Variants in ANKRD28 observed in about 807,000 individuals in gnomAD.
ANKRD28 encodes serine/threonine-protein phosphatase 6 regulatory ankyrin repeat subunit A.
ANKRD28 carries 44 observed loss-of-function variants against 126.5 expected under a neutral mutation model. The observed-to-expected ratio is 0.35, with a 90% CI of 0.27 to 0.45. The LOEUF (loss-of-function observed/expected upper bound fraction) is 0.45. Ranked by LOEUF, ANKRD28 falls within the 20% of genes least tolerant of loss-of-function variation. The pLI is 1.00. For missense variants in ANKRD28, 1,110 were observed against 1,316.6 expected (o/e 0.84, Z 2.43); for synonymous variants, 442 against 468.5 (o/e 0.94, Z 0.73).
intron 1 of ANKRD28, among the ~76,000 whole-genome samples, chr3:15,803,520 G>A (rs747221119): frequency 6.6e-6 from 1 of 151,890 alleles, no homozygotes; most frequent in African/African-American, 2.4e-5. Flanking sequence ...AAGAGGCTGA[G>A]GCAGGAGAAT....
intron 1 of ANKRD28, among the ~76,000 whole-genome samples, chr3:15,832,245 GA>G (rs1484087616): frequency 6.6e-6 from 1 of 152,200 alleles, no homozygotes; most frequent in East Asian, 1.9e-4. Context: ...AATATCTGCA[GA>G]AATACATTCA....
At chr3:15,810,903 T>C (rs1160234704) in intron 1 of ANKRD28, among the ~76,000 whole-genome samples, 1 of 152,128 alleles carries the variant, frequency 6.6e-6, no homozygotes, top group Non-Finnish European at 1.5e-5. Context: ...AGCCAGTCAT[T>C]TAACCCATAA....
At position 15,843,018 on chromosome 3, in the gene ANKRD28, A is replaced by C. The variant is rs1418697610; in HGVS notation, c.27+16359T>G. 6.6e-6 allele frequency among the ~76,000 whole-genome samples: 1 copy of C among 152,242 alleles called. No individual in the cohort carries two copies. Among genetic ancestry groups the C allele is most frequent in the African/African-American group, 2.4e-5 (1 of 41,462 alleles). ...TTAGACTGTTCTCGCCTTGCTATAA[A>C]GAAATATCCAAGACTGGGTAATTTA... On this transcript the variant is annotated intron_variant, in intron 1 of 27. Coordinates refer to the ANKRD28 transcript ENST00000399451. This position sits in a 1 kb window ranked among gnomAD's most constrained non-coding sequence, Gnocchi z 5.2.
At chr3:15,749,101 G>T (rs6802776) in intron 4 of ANKRD28, among the ~76,000 whole-genome samples, 25,843 of 52,740 alleles carry the variant, frequency 0.49, 6,270 homozygotes, top group African/African-American at 0.65. Flanking sequence ...TTATGTTTTT[G>T]TTTTTTTTTT....
rs553886319 is a variant in ANKRD28, at chr3:15,821,041, C to G, written c.28-25735G>C. Among the ~76,000 whole-genome samples, 59 of 152,268 alleles carry G rather than the reference C, an allele frequency of 3.9e-4. 2 individuals are homozygous for G. In the South Asian group the frequency reaches 0.012, roughly 31 times the overall value. On this transcript the variant is annotated intron_variant, in intron 1 of 27. Coordinates refer to the ANKRD28 transcript ENST00000399451. ...GACATATAATTCTTTGTCATGGGGT[C>G]CACTCCTATCCATTGCCGGATGTTT...
At chr3:15,855,183 G>A (rs560303392) in intron 1 of ANKRD28, among the ~76,000 whole-genome samples, 228 of 152,106 alleles carry the variant, frequency 1.5e-3, no homozygotes, top group Middle Eastern at 6.8e-3. Flanking sequence ...CCCAAGAACC[G>A]TCATTTTTTG....
chr3:15,678,256 T>C lies in ANKRD28; in HGVS notation c.2660A>G (p.Lys887Arg). 6.2e-7 allele frequency: 1 copy of C among 1,612,920 alleles called. No individual in the cohort carries two copies. The highest frequency in any genetic ancestry group is 8.5e-7 in the Non-Finnish European group (1 of 1,179,648). Residue 887 changes from lysine (K) to arginine (R), a missense_variant, in exon 24 of 28, where the codon AAA becomes AGA. Physicochemically the swap from Lys to Arg is conservative, Grantham distance 26. Transcript: ENST00000683139. ...TTCTGCAGCCATCATAAGAGGTGTT[T>C]TCCCTGTAGAGTCCACAGAATTGAC... ...AQVNSVDSTGKTPLMMAAENG... is the reference protein window; with the variant it reads ...AQVNSVDSTGRTPLMMAAENG...
At chr3:15,724,822 TA>T (rs1024491789) in intron 6 of ANKRD28, among the ~76,000 whole-genome samples, 1 of 151,042 alleles carries the variant, frequency 6.6e-6, no homozygotes, top group Non-Finnish European at 1.5e-5. Flanking sequence ...CCACCAAAAA[TA>T]AAAAAAAATT....
Position 15,714,559 on chromosome 3 carries a change from A to G in ANKRD28, c.1075+19T>C, listed in dbSNP as rs375383641. 456 of 1,557,022 alleles carry G rather than the reference A, an allele frequency of 2.9e-4. No individual in the cohort carries two copies. Among genetic ancestry groups the G allele is most frequent in the Non-Finnish European group, 3.7e-4 (429 of 1,160,156 alleles). On this transcript the variant is annotated intron_variant, in intron 9 of 27. Coordinates refer to ENST00000683139, the MANE Select transcript of ANKRD28 (RefSeq NM_001349278.2). The stretch of plus-strand genomic sequence containing the variant: ...AAAAAAAAAAAAAACCCCAAAAAAA[A>G]AACAGAAATACTTTTTACCACTCTG...
At chr3:15,807,189 C>T (rs568724252) in intron 1 of ANKRD28, among the ~76,000 whole-genome samples, 9 of 152,250 alleles carry the variant, frequency 5.9e-5, no homozygotes, top group South Asian at 4.2e-4. Context: ...AATATCCTTC[C>T]GTGTCTCCCT....
At chr3:15,736,109 A>C (rs2074998625) in intron 5 of ANKRD28, among the ~76,000 whole-genome samples, 1 of 152,236 alleles carries the variant, frequency 6.6e-6, no homozygotes, top group South Asian at 2.1e-4. Flanking sequence ...CCTTATCTGC[A>C]GTTCCACTTT....
At chr3:15,704,331 T>G (rs1469687375) in intron 14 of ANKRD28, among the ~76,000 whole-genome samples, 1 of 151,984 alleles carries the variant, frequency 6.6e-6, no homozygotes, top group Non-Finnish European at 1.5e-5. Context: ...TTCCAATTAT[T>G]TACTCAAAGT....
At chr3:15,746,762 T>C (rs1463840096) in intron 4 of ANKRD28, among the ~76,000 whole-genome samples, 2 of 152,174 alleles carry the variant, frequency 1.3e-5, no homozygotes, top group Admixed American at 6.5e-5. Flanking sequence ...AAAGTATCAA[T>C]AGGACTGGTA....
At chr3:15,835,897 T>C (rs1300313778) in intron 1 of ANKRD28, among the ~76,000 whole-genome samples, 1 of 152,174 alleles carries the variant, frequency 6.6e-6, no homozygotes, top group Non-Finnish European at 1.5e-5. Flanking sequence ...GCACTGGTAA[T>C]GGTAATTACA....
intron 17 of ANKRD28, among the ~76,000 whole-genome samples, chr3:15,692,665 G>C (rs1157171968): frequency 6.6e-6 from 1 of 152,130 alleles, no homozygotes; most frequent in Admixed American, 6.5e-5. Context: ...GTCCCGAATG[G>C]GAGAGTTTCG....
chr3:15,841,173 T>C (rs964431009), intron 1 of ANKRD28, among the ~76,000 whole-genome samples: 1 of 152,094 alleles, frequency 6.6e-6, no homozygotes, highest in Non-Finnish European at 1.5e-5. Flanking sequence ...CCCCTACCTC[T>C]TGCCATATGC....
intron 2 of ANKRD28, among the ~76,000 whole-genome samples, chr3:15,791,187 A>C (rs1237241883): frequency 6.6e-6 from 1 of 152,144 alleles, no homozygotes; most frequent in Non-Finnish European, 1.5e-5. Flanking sequence ...AACACTGTTA[A>C]AATGTCCTGG....
At chr3:15,774,717 A>G (rs187690587) in intron 2 of ANKRD28, among the ~76,000 whole-genome samples, 86 of 152,324 alleles carry the variant, frequency 5.6e-4, no homozygotes, top group African/African-American at 1.9e-3. Context: ...CCTCATGTTT[A>G]ATTATACCAT....
In ANKRD28 at chr3:15,735,728, C is replaced by G. The variant is rs573697286; in HGVS notation, c.553-231G>C. Among the ~76,000 whole-genome samples, 128 of 152,250 alleles carry G rather than the reference C, an allele frequency of 8.4e-4. 1 individual carries two copies. In the Middle Eastern group the frequency reaches 0.01, roughly 12 times the overall value. On this transcript the variant is annotated intron_variant, in intron 5 of 27. Coordinates refer to ENST00000683139, the MANE Select transcript of ANKRD28 (RefSeq NM_001349278.2). ...CAGGCATCAGTACCTTTTTAGGATGCCACTTTGTGCCTTGGTATTTTATGA... is the reference window on the plus strand; with the variant it reads ...CAGGCATCAGTACCTTTTTAGGATGGCACTTTGTGCCTTGGTATTTTATGA...
Sources: allele counts gnomAD v4.1 joint callset (sites outside exome capture counted in the v4.1 genomes callset), GRCh38; gene constraint gnomAD v4.1.1; non-coding constraint Gnocchi (gnomAD v3.1); transcripts MANE v1.5; gene names NCBI Gene and HGNC (gene_info 2026-07-23, HGNC 2026-07-21).